The following KIF13A variants were observed in gnomAD, a reference collection of about 807,000 sequenced individuals.
KIF13A encodes the protein kinesin-like protein KIF13A.
In KIF13A, 79 loss-of-function variants were observed where a neutral mutation model predicts 212.2. That is an observed-to-expected ratio of 0.37 (90% CI 0.31 to 0.45). KIF13A has a LOEUF of 0.45. Among genes scored for constraint, KIF13A ranks in the 20% least tolerant of loss-of-function variants. The probability of loss-of-function intolerance (pLI) is 1.00; values close to 1 mark genes in which losing one functional copy is unlikely to be tolerated. For synonymous variants in KIF13A, 789 were observed against 808.6 expected (o/e 0.98, Z 0.41); for missense variants, 1,901 against 2,209.0 (o/e 0.86, Z 2.79).
chr6:17,823,775 G>C (rs1238897514), intron 16 of KIF13A, among the ~76,000 whole-genome samples: 1 of 151,156 alleles, frequency 6.6e-6, no homozygotes, highest in Non-Finnish European at 1.5e-5. Context: ...GCTAATTTCT[G>C]TATTTTTAGT....
At chr6:17,867,180 A>C (rs1258076598) in intron 4 of KIF13A, among the ~76,000 whole-genome samples, 1 of 152,096 alleles carries the variant, frequency 6.6e-6, no homozygotes, top group Admixed American at 6.6e-5. Context: ...TTAATTAACA[A>C]ATGCAAAAAA....
rs1351508421 is a variant in KIF13A, at chr6:17,961,339, A to G, written c.146+25715T>C. ...GGTGGAAGGTAGCAACTGATGTGGGATAATAAATAAGTTATTAAGATAGGC... is the reference window on the plus strand; with the variant it reads ...GGTGGAAGGTAGCAACTGATGTGGGGTAATAAATAAGTTATTAAGATAGGC... On this transcript the variant is annotated intron_variant, in intron 2 of 38. Transcript: ENST00000259711. This position sits in a 1 kb window ranked among gnomAD's most constrained non-coding sequence, Gnocchi z 4.1. Among the ~76,000 whole-genome samples the G allele has an allele frequency of 1.3e-5, 2 of 152,224 alleles. No individual in the cohort carries two copies. The highest frequency in any genetic ancestry group is 4.8e-5 in the African/African-American group (2 of 41,456).
At position 17,855,892 on chromosome 6, in the gene KIF13A, T is replaced by A; in HGVS notation, c.313+138A>T. 1 of 663,130 alleles carries A rather than the reference T, an allele frequency of 1.5e-6. No individual in the cohort carries two copies. Among genetic ancestry groups the A allele is most frequent in the Admixed American group, 3.0e-5 (1 of 33,534 alleles). The allele number at this position is 663,130 out of a possible 1,614,324, so 41.1% of individuals were successfully genotyped here. A position where few individuals can be genotyped will look rare whatever the true frequency, so the allele number is the denominator to read the frequency against. On this transcript the variant is annotated intron_variant, in intron 5 of 38. Transcript: ENST00000259711. This position sits in a 1 kb window ranked among gnomAD's most constrained non-coding sequence, Gnocchi z 4.1. ...ACGCTGGGCTAATGTTTTTAGTTTTTATAAAGACGGGTCTTACTATGTTGC... is the reference window on the plus strand; with the variant it reads ...ACGCTGGGCTAATGTTTTTAGTTTTAATAAAGACGGGTCTTACTATGTTGC...
chr6:17,983,045 C>T (rs565053677), intron 2 of KIF13A, among the ~76,000 whole-genome samples: 2 of 151,612 alleles, frequency 1.3e-5, no homozygotes, highest in South Asian at 2.1e-4. Context: ...TGGTGGTGGC[C>T]GCCTGTAATC....
chr6:17,820,692 A>C (rs968322149), intron 16 of KIF13A, among the ~76,000 whole-genome samples: 1 of 152,158 alleles, frequency 6.6e-6, no homozygotes, highest in African/African-American at 2.4e-5. Flanking sequence ...GATCTCAAAG[A>C]AGTAAGTATT....
chr6:17,798,262 AC>A (rs1427397174), intron 22 of KIF13A, among the ~76,000 whole-genome samples: 3 of 152,188 alleles, frequency 2.0e-5, no homozygotes. Context: ...GATCATAAGA[AC>A]CCAGAAGCTC....
In KIF13A at chr6:17,926,659, G is replaced by C. The variant is rs1395240829; in HGVS notation, c.147-28479C>G. Reference sequence around the variant, plus strand: ...CACTGGAAAAGCATCGGACTAATAAGAAGGAGACTGAAATTTTCTTTGACG... The same window carrying C: ...CACTGGAAAAGCATCGGACTAATAACAAGGAGACTGAAATTTTCTTTGACG... On this transcript the variant is annotated intron_variant, in intron 2 of 38. Transcript: ENST00000259711. The surrounding 1 kb of genome is among the most constrained non-coding windows in gnomAD (Gnocchi z 4.3). Among the ~76,000 whole-genome samples the C allele has an allele frequency of 7.6e-5, 1 of 13,138 alleles. No homozygotes were observed. The highest frequency in any genetic ancestry group is 1.6e-4 in the African/African-American group (1 of 6,118). The allele number at this position is 13,138 out of a possible 152,430, so 8.6% of individuals were successfully genotyped here.
chr6:17,948,724 C>A (rs10456814), intron 2 of KIF13A, among the ~76,000 whole-genome samples: 1 of 151,794 alleles, frequency 6.6e-6, no homozygotes, highest in Admixed American at 6.6e-5. Flanking sequence ...CCATGCCCGG[C>A]TAATTTTTGT....
intron 2 of KIF13A, among the ~76,000 whole-genome samples, chr6:17,949,716 CA>C (rs1220128528): frequency 2.6e-5 from 4 of 152,090 alleles, no homozygotes; most frequent in South Asian, 2.1e-4. Flanking sequence ...CTTTTAATGT[CA>C]GGGGGTTCAC....
chr6:17,876,448 C>T (rs139530843), intron 3 of KIF13A, among the ~76,000 whole-genome samples: 170 of 152,234 alleles, frequency 1.1e-3, no homozygotes, highest in African/African-American at 4.0e-3. Context: ...TACGTCATAC[C>T]CCTTAAGGCC....
At chr6:17,824,869 A>C (rs1038129021) in intron 16 of KIF13A, among the ~76,000 whole-genome samples, 1 of 152,020 alleles carries the variant, frequency 6.6e-6, no homozygotes, top group Non-Finnish European at 1.5e-5. Flanking sequence ...ACCCTGGTTC[A>C]AGTTAGGGAA....
rs1248500422 is a variant in KIF13A at position 17,826,234 on chromosome 6, C to T, written c.1533-110G>A. On this transcript the variant is annotated intron_variant, in intron 14 of 38. Transcript: ENST00000259711. The surrounding 1 kb of genome is among the most constrained non-coding windows in gnomAD (Gnocchi z 4.7). ...CTTTCTCTTAATAAATGCATTCCAA[C>T]TAACGCTTAAAGAAGGAAGAGCAGA... 1 of 751,176 alleles carries T rather than the reference C, an allele frequency of 1.3e-6. No homozygotes were observed. The highest frequency in any genetic ancestry group is 2.6e-5 in the East Asian group (1 of 38,606). 46.5% of individuals were successfully genotyped at this position (751,176 alleles called of 1,614,324 possible). A position where few individuals can be genotyped will look rare whatever the true frequency, so the allele number is the denominator to read the frequency against.
At chr6:17,975,475 A>T (rs1312481579) in intron 2 of KIF13A, among the ~76,000 whole-genome samples, 7 of 152,296 alleles carry the variant, frequency 4.6e-5, no homozygotes, top group Admixed American at 1.3e-4. Context: ...TTCAGCGGTG[A>T]GCGTTACAGC....
chr6:17,907,267 C>T (rs1773595192), intron 2 of KIF13A, among the ~76,000 whole-genome samples: 1 of 152,166 alleles, frequency 6.6e-6, no homozygotes, highest in Non-Finnish European at 1.5e-5. Flanking sequence ...TAACTGGCAT[C>T]AGTACCATGA....
At chr6:17,847,873 G>A (rs1029826700) in intron 9 of KIF13A, among the ~76,000 whole-genome samples, 5 of 151,986 alleles carry the variant, frequency 3.3e-5, no homozygotes, top group African/African-American at 4.8e-5. Flanking sequence ...GTACAGTGGC[G>A]CGATCTCGGC....
chr6:17,781,198 G>C lies in KIF13A; in HGVS notation c.3648C>G (p.Ile1216Met). ...EHGSQFFYLP[I>M]IKHSDDEVSA... ...TTACCTCATCATCACTGTGCTTTAT[G>C]ATGGGCAGGTAGAAAAACTGGCTGC... Residue 1216 changes from isoleucine to methionine, a missense_variant, in exon 30 of 39, where the codon ATC becomes ATG. By Grantham distance (10) the Ile-to-Met change is conservative (BLOSUM62 1). Transcript: ENST00000259711. 2 of 1,613,926 alleles carry C rather than the reference G, an allele frequency of 1.2e-6. No homozygotes were observed. The highest frequency in any genetic ancestry group is 1.7e-6 in the Non-Finnish European group (2 of 1,179,876).
Position 17,771,058 on chromosome 6 carries a change from G to C in KIF13A, c.4581+56C>G, listed in dbSNP as rs1010562800. On this transcript the variant is annotated intron_variant, in intron 38 of 38. Transcript: ENST00000259711. This position sits in a 1 kb window ranked among gnomAD's most constrained non-coding sequence, Gnocchi z 5.4. ...TTCTAGCATTTGGATGATTGTCTGTGAAAGGGCCTTAAACCCACCACCAGG... is the reference window on the plus strand; with the variant it reads ...TTCTAGCATTTGGATGATTGTCTGTCAAAGGGCCTTAAACCCACCACCAGG... The C allele has an allele frequency of 2.4e-5, 27 of 1,120,998 alleles. No homozygotes were observed. Among genetic ancestry groups the C allele is most frequent in the Non-Finnish European group, 3.6e-5 (27 of 750,952 alleles). 69.4% of individuals were successfully genotyped at this position (1,120,998 alleles called of 1,614,324 possible). A position where few individuals can be genotyped will look rare whatever the true frequency, so the allele number is the denominator to read the frequency against.
Position 17,794,423 on chromosome 6 carries a change from G to A in KIF13A, c.3076-28C>T, listed in dbSNP as rs757040529. The A allele has an allele frequency of 4.4e-6, 7 of 1,595,842 alleles. No homozygotes were observed. Among genetic ancestry groups the A allele is most frequent in the Non-Finnish European group, 6.0e-6 (7 of 1,167,718 alleles). ...GAAGAGGGTGGGGAGGAGTATGGGT[G>A]CCAGGAATGATAATGAAAAGGAACG... On this transcript the variant is annotated intron_variant, in intron 24 of 38. Transcript: ENST00000259711. The surrounding 1 kb of genome is among the most constrained non-coding windows in gnomAD (Gnocchi z 4.1).
intron 2 of KIF13A, among the ~76,000 whole-genome samples, chr6:17,975,028 A>T (rs936090788): frequency 2.0e-5 from 3 of 152,168 alleles, no homozygotes; most frequent in Non-Finnish European, 4.4e-5. Flanking sequence ...AGCATCAGCC[A>T]TCACCTGGGA....
Sources: gnomAD v4.1 joint callset for allele counts (sites outside exome capture counted in the v4.1 genomes callset) on GRCh38, gnomAD v4.1.1 for gene constraint, Gnocchi (gnomAD v3.1) non-coding constraint, MANE v1.5 for transcripts, NCBI Gene and HGNC (gene_info 2026-07-23, HGNC 2026-07-21) for gene names.